The following MOB1B variants were observed in gnomAD, a reference collection of about 807,000 sequenced individuals.
The protein encoded by MOB1B is MOB1 Mps One Binder homolog B.
Under a neutral mutation model 24.4 loss-of-function variants are expected in MOB1B, and 19 were observed. That is an observed-to-expected ratio of 0.78 (90% CI 0.54 to 1.14). The LOEUF is 1.14. Ranked by LOEUF, MOB1B falls within the 50% of genes most tolerant of loss-of-function variation. The pLI, the probability that MOB1B is intolerant of heterozygous loss-of-function variation, is 0.00. For synonymous variants in MOB1B, 76 were observed against 82.1 expected (o/e 0.93, Z 0.40); for missense variants, 243 against 259.6 (o/e 0.94, Z 0.44).
chr4:70,960,981 T>C (rs2148895132), intron 2 of MOB1B, among the ~76,000 whole-genome samples: 1 of 152,308 alleles, frequency 6.6e-6, no homozygotes, highest in Admixed American at 6.5e-5. Flanking sequence ...TGTACCTCTC[T>C]TATCTGCTAG....
chr4:70,910,479 T>A (rs1338524591), intron 1 of MOB1B, among the ~76,000 whole-genome samples: 3 of 151,748 alleles, frequency 2.0e-5, no homozygotes, highest in Non-Finnish European at 4.4e-5. Flanking sequence ...ATATATATAT[T>A]TTTTTCTTAA....
In MOB1B at chr4:70,986,559, A is replaced by G. The variant is rs1300170616; in HGVS notation, c.*4502A>G. 6.6e-6 allele frequency: 1 copy of G among 152,270 alleles called. No individual in the cohort carries two copies. The highest frequency in any genetic ancestry group is 1.9e-4 in the East Asian group (1 of 5,188). The allele number at this position is 152,270 out of a possible 1,614,324, so 9.4% of individuals were successfully genotyped here. A position where few individuals can be genotyped will look rare whatever the true frequency, so the allele number is the denominator to read the frequency against. On this transcript the variant is annotated 3_prime_UTR_variant, in exon 6 of 6. Coordinates refer to ENST00000309395, the MANE Select transcript of MOB1B (RefSeq NM_173468.4). ...ATCTGGGATATTAAAGAATCTACCA[A>G]TTCTTAAAAACACAGATTTATACTT...
chr4:70,939,656 G>C (rs906323341), intron 1 of MOB1B, among the ~76,000 whole-genome samples: 2 of 152,206 alleles, frequency 1.3e-5, no homozygotes, highest in Non-Finnish European at 2.9e-5. Context: ...TGTGCGGTCG[G>C]GGGTGTGGCT....
intron 3 of MOB1B, among the ~76,000 whole-genome samples, chr4:70,972,491 G>A (rs1738797553): frequency 6.6e-6 from 1 of 152,134 alleles, no homozygotes. Context: ...TGGGATTATA[G>A]GGGTGAGCCA....
chr4:70,910,692 A>G (rs1196515527), intron 1 of MOB1B, among the ~76,000 whole-genome samples: 3 of 152,134 alleles, frequency 2.0e-5, no homozygotes, highest in Non-Finnish European at 4.4e-5. Flanking sequence ...TGGAGAAATC[A>G]CAAAATCATG....
chr4:70,923,808 G>A (rs1736537330), intron 1 of MOB1B, among the ~76,000 whole-genome samples: 3 of 151,566 alleles, frequency 2.0e-5, no homozygotes, highest in Admixed American at 2.0e-4. Context: ...AAATGAGCTG[G>A]GCCTGGTCGT....
At chr4:70,964,546 A>G (rs1553938305) in intron 2 of MOB1B, among the ~76,000 whole-genome samples, 1 of 152,232 alleles carries the variant, frequency 6.6e-6, no homozygotes, top group Non-Finnish European at 1.5e-5. Context: ...AAATACATAT[A>G]TTATAAAAGG....
chr4:70,942,312 CTA>C (rs1737381009), intron 1 of MOB1B, among the ~76,000 whole-genome samples: 1 of 151,556 alleles, frequency 6.6e-6, no homozygotes, highest in South Asian at 2.1e-4. Flanking sequence ...TTCTAGTGGT[CTA>C]TTAAATATTT....
rs2148865196 is a variant in MOB1B, at chr4:70,907,139, T to C, written c.14+4589T>C. ...ACGTTTGTGCAAGAGGCTGTAGAATTTTGGAGCTAGCAGGGGTCTATTAGT... is the reference window on the plus strand; with the variant it reads ...ACGTTTGTGCAAGAGGCTGTAGAATCTTGGAGCTAGCAGGGGTCTATTAGT... On this transcript the variant is annotated intron_variant, in intron 1 of 5. Coordinates refer to ENST00000309395, the MANE Select transcript of MOB1B (RefSeq NM_173468.4). Among the ~76,000 whole-genome samples the C allele has an allele frequency of 1.3e-5, 2 of 152,252 alleles. 1 individual carries two copies. Among genetic ancestry groups the C allele is most frequent in the South Asian group, 4.1e-4 (2 of 4,822 alleles).
At chr4:70,928,069 C>T (rs527804147) in intron 1 of MOB1B, among the ~76,000 whole-genome samples, 2 of 152,212 alleles carry the variant, frequency 1.3e-5, no homozygotes, top group East Asian at 3.9e-4. Flanking sequence ...AACTTTTTCC[C>T]TGGCCTGTGC....
rs1216023659 is a variant in MOB1B, at chr4:70,987,783, T to G, written c.*5726T>G. 6.6e-6 allele frequency: 1 copy of G among 152,480 alleles called. No individual in the cohort carries two copies. The highest frequency in any genetic ancestry group is 1.5e-5 in the Non-Finnish European group (1 of 68,008). The allele number at this position is 152,480 out of a possible 1,614,324, so 9.4% of individuals were successfully genotyped here. ...AAGTAATGGAAGAATAAGGGCGGCA[T>G]TTACACTGTGCAAGTATTGAGAAGA... is the stretch of plus-strand genomic sequence containing the variant. On this transcript the variant is annotated 3_prime_UTR_variant, in exon 6 of 6. Transcript: ENST00000309395.
At chr4:70,936,817 A>G (rs1057152154) in intron 1 of MOB1B, among the ~76,000 whole-genome samples, 2 of 152,220 alleles carry the variant, frequency 1.3e-5, no homozygotes, top group African/African-American at 4.8e-5. Flanking sequence ...TCAGAGGAGT[A>G]TAGAGTTCTA....
intron 2 of MOB1B, 108 bp from the exon 3 acceptor site, chr4:70,969,823 C>A: frequency 9.7e-6 from 5 of 515,122 alleles, no homozygotes; most frequent in East Asian, 3.3e-5. Flanking sequence ...TTCACCTGTT[C>A]TTTGTAGGGG....
At chr4:70,979,041 T>G in intron 4 of MOB1B, 87 bp from the exon 5 acceptor site, 1 of 1,057,316 alleles carries the variant, frequency 9.5e-7, no homozygotes, top group South Asian at 1.5e-5. Context: ...AGCCTTGTCT[T>G]GGTAATTTAT....
At position 70,979,136 on chromosome 4, in the gene MOB1B, T is replaced by G. The variant is rs1197808536; in HGVS notation, c.418T>G (p.Phe140Val). The G allele has an allele frequency of 6.2e-7, 1 of 1,613,606 alleles. No individual in the cohort carries two copies. The highest frequency in any genetic ancestry group is 1.7e-5 in the Admixed American group (1 of 59,986). Reference protein sequence around the residue: ...TLFPSKIGVPFPKNFMSVAKT... With the variant: ...TLFPSKIGVPVPKNFMSVAKT... ...GTTTATCTCTTTTCTAGGTGTCCCG[T>G]TCCCAAAGAATTTCATGTCTGTGGC... The change falls in exon 5 of 6, where the codon TTC becomes GTC. Residue 140 changes from phenylalanine (F) to valine (V), a missense_variant. Transcript: ENST00000309395.
intron 1 of MOB1B, among the ~76,000 whole-genome samples, chr4:70,913,532 C>G (rs1255156798): frequency 2.0e-5 from 3 of 151,836 alleles, no homozygotes; most frequent in African/African-American, 7.3e-5. Flanking sequence ...CTCGAGCAAT[C>G]CTCCTGCCTT....
chr4:70,945,781 T>C (rs1276631033), intron 1 of MOB1B, among the ~76,000 whole-genome samples: 1 of 152,190 alleles, frequency 6.6e-6, no homozygotes, highest in Non-Finnish European at 1.5e-5. Flanking sequence ...GAAGGCATCC[T>C]TAACCCGTCT....
intron 1 of MOB1B, among the ~76,000 whole-genome samples, chr4:70,958,112 T>G (rs986184590): frequency 6.6e-6 from 1 of 152,000 alleles, no homozygotes; most frequent in Non-Finnish European, 1.5e-5. Context: ...GGACTAAAAT[T>G]GATTACTGAT....
chr4:70,937,491 AT>A (rs1053575300), intron 1 of MOB1B, among the ~76,000 whole-genome samples: 82 of 147,012 alleles, frequency 5.6e-4, no homozygotes, highest in African/African-American at 2.0e-3. Context: ...CTGGTCCTTA[AT>A]TTTTTTTTTC....
Sources: gnomAD v4.1 joint callset for allele counts (sites outside exome capture counted in the v4.1 genomes callset) on GRCh38, gnomAD v4.1.1 for gene constraint, MANE v1.5 for transcripts, NCBI Gene and HGNC (gene_info 2026-07-23, HGNC 2026-07-21) for gene names.